TPCN2: variants seen among roughly 807,000 people sequenced by gnomAD.
TPCN2 encodes the protein two pore channel protein 2.
Under a neutral mutation model 111.4 loss-of-function variants are expected in TPCN2, and 92 were observed. The observed-to-expected ratio is 0.83, with a 90% confidence interval of 0.70 to 0.98. The LOEUF (loss-of-function observed/expected upper bound fraction) is 0.98, where lower values mean the gene tolerates loss of function less well. Ranked by LOEUF, TPCN2 falls within the 50% of genes least tolerant of loss-of-function variation. TPCN2 has a pLI of 0.00. For synonymous variants in TPCN2, 405 were observed against 414.5 expected (o/e 0.98, Z 0.28); for missense variants, 995 against 980.1 (o/e 1.02, Z -0.20).
chr11:69,083,397 G>T (rs760495815), intron 18 of TPCN2: 4 of 159,930 alleles, frequency 2.5e-5, no homozygotes, highest in African/African-American at 4.8e-5. Context: ...TGATGTGAAG[G>T]CCTTTCTCCC....
At chr11:69,069,799 T>C (rs1855437857) in intron 8 of TPCN2, among the ~76,000 whole-genome samples, 2 of 150,988 alleles carry the variant, frequency 1.3e-5, no homozygotes, top group Non-Finnish European at 3.0e-5. Flanking sequence ...AGCAGGACCG[T>C]CTGAGTCCTA....
Position 69,084,902 on chromosome 11 carries a change from A to G in TPCN2, c.1762-308A>G, listed in dbSNP as rs531036246. Reference sequence around the variant, plus strand: ...TCCACTCTGCTGACGCATGTTAGGGACAGGCCTGGGGTTGGCGGGCAGCCT... The same window carrying G: ...TCCACTCTGCTGACGCATGTTAGGGGCAGGCCTGGGGTTGGCGGGCAGCCT... On this transcript the variant is annotated intron_variant, in intron 19 of 24. Coordinates refer to ENST00000294309, the MANE Select transcript of TPCN2 (RefSeq NM_139075.4). 101 of 792,896 alleles carry G rather than the reference A, an allele frequency of 1.3e-4. No individual in the cohort carries two copies. The South Asian group carries it at 5.4e-3, about 42-fold the overall frequency. The allele number at this position is 792,896 out of a possible 1,614,324, so 49.1% of individuals were successfully genotyped here. A position where few individuals can be genotyped will look rare whatever the true frequency, so the allele number is the denominator to read the frequency against.
intron 19 of TPCN2, chr11:69,084,698 A>C (rs563372763): frequency 2.0e-6 from 2 of 985,388 alleles, no homozygotes; most frequent in African/African-American, 3.5e-5. Flanking sequence ...TGGGGTGAGA[A>C]GGTGTCTCTG....
In TPCN2 at chr11:69,085,741, G is replaced by T; in HGVS notation, c.1909G>T (p.Asp637Tyr). Residue 637 changes from aspartate (D) to tyrosine (Y), a missense_variant, in exon 21 of 25, where the codon GAT becomes TAT. Transcript: ENST00000294309. ...EQLEYWANNF[D>Y]DFAAALVTLW... is the part of the protein sequence containing the mutation. The stretch of plus-strand genomic sequence containing the variant: ...GCTGGAGTACTGGGCCAACAACTTC[G>T]ATGACTTTGCGGTGAGCCCTGCGCC... 1 of 1,614,088 alleles carries T rather than the reference G, an allele frequency of 6.2e-7. No homozygotes were observed. Among genetic ancestry groups the T allele is most frequent in the Non-Finnish European group, 8.5e-7 (1 of 1,179,986 alleles).
At chr11:69,070,372 A>G in intron 8 of TPCN2, 58 bp from the exon 9 acceptor site, 3 of 1,344,852 alleles carry the variant, frequency 2.2e-6, no homozygotes, top group East Asian at 4.6e-5. Flanking sequence ...TAGCGTCAGG[A>G]TGGGAGTGGG....
chr11:69,053,006 A>T (rs1861300001), intron 1 of TPCN2, among the ~76,000 whole-genome samples: 1 of 152,184 alleles, frequency 6.6e-6, no homozygotes, highest in African/African-American at 2.4e-5. Context: ...GCGAGGCCAG[A>T]GGTGGCCCGT....
At position 69,072,663 on chromosome 11, in the gene TPCN2, T is replaced by C. The variant is rs763660224; in HGVS notation, c.1098T>C (p.Leu366=). Residue 366 remains leucine (L), a synonymous_variant, in exon 12 of 25, where the codon CTT becomes CTC. Transcript: ENST00000294309. ...GVKPQNLLQV[L]QKVQLDSSHK... ...AGCCCCAGAACTTGCTGCAGGTGCT[T>C]CAGAAGGTCCAGCTGGACAGCTCCC... 1 of 1,613,830 alleles carries C rather than the reference T, an allele frequency of 6.2e-7. No homozygotes were observed. Among genetic ancestry groups the C allele is most frequent in the Non-Finnish European group, 8.5e-7 (1 of 1,179,984 alleles).
At chr11:69,068,012 G>A (rs1379867991) in intron 8 of TPCN2, among the ~76,000 whole-genome samples, 5 of 152,254 alleles carry the variant, frequency 3.3e-5, no homozygotes, top group East Asian at 1.9e-4. Flanking sequence ...ACACATCCAC[G>A]CTGCGGTTGC....
chr11:69,071,326 G>T (rs370804153), intron 9 of TPCN2, 30 bp from the exon 10 acceptor site: 2 of 1,602,400 alleles, frequency 1.2e-6, no homozygotes, highest in East Asian at 2.2e-5. Context: ...TACTGGTGGC[G>T]CCCCTGACCG....
At position 69,054,821 on chromosome 11, in the gene TPCN2, T is replaced by G. The variant is rs745373157; in HGVS notation, c.251+24T>G. 4.3e-6 allele frequency: 7 copies of G among 1,609,446 alleles called. No homozygotes were observed. The African/African-American group carries it at 9.4e-5, about 22-fold the overall frequency. ...CGGTGAGAACGCACCCATGTGGAACTCAGGGTTCCTGCCGGCTTGCGTGGC... is the reference window on the plus strand; with the variant it reads ...CGGTGAGAACGCACCCATGTGGAACGCAGGGTTCCTGCCGGCTTGCGTGGC... On this transcript the variant is annotated intron_variant, in intron 3 of 24. Coordinates refer to ENST00000294309, the MANE Select transcript of TPCN2 (RefSeq NM_139075.4).
At chr11:69,049,870 C>A (rs141674419) in intron 1 of TPCN2, among the ~76,000 whole-genome samples, 1 of 152,246 alleles carries the variant, frequency 6.6e-6, no homozygotes, top group East Asian at 1.9e-4. Flanking sequence ...GGTGGAAGGA[C>A]CTTAGCTTCA....
At chr11:69,085,093 T>TCAG in intron 19 of TPCN2, 117 bp from the exon 20 acceptor site, 2 of 1,038,536 alleles carry the variant, frequency 1.9e-6, no homozygotes, top group Non-Finnish European at 3.0e-6. Context: ...ATCCCAGCCC[T>TCAG]GGGCAGAGGG....
At chr11:69,068,293 A>G (rs1702655520) in intron 8 of TPCN2, among the ~76,000 whole-genome samples, 3 of 149,984 alleles carry the variant, frequency 2.0e-5, no homozygotes, top group Non-Finnish European at 4.5e-5. Context: ...AGTCCTAGGA[A>G]GTGACCGCAC....
Position 69,072,030 on chromosome 11 carries a change from G to A in TPCN2, c.1061+7G>A, listed in dbSNP as rs1855558238. The A allele has an allele frequency of 6.2e-7, 1 of 1,609,800 alleles. No homozygotes were observed. The highest frequency in any genetic ancestry group is 8.5e-7 in the Non-Finnish European group (1 of 1,176,854). ...GAGGAGCCTTCCCTCAGGCGTGAGT[G>A]CTGGGCATGGACCCTCTTCTCCCTG... is the stretch of plus-strand genomic sequence containing the variant. On this transcript the variant is annotated splice_region_variant and intron_variant, in intron 11 of 24. Coordinates refer to ENST00000294309, the MANE Select transcript of TPCN2 (RefSeq NM_139075.4).
At chr11:69,085,456 G>T (rs1001739303) in intron 20 of TPCN2, among the ~76,000 whole-genome samples, 170 bp downstream of exon 20, 1 of 149,224 alleles carries the variant, frequency 6.7e-6, no homozygotes, top group Non-Finnish European at 1.5e-5. Context: ...TTCCACCTCC[G>T]CTCCGCACCT....
rs147115123 is a variant in TPCN2 at position 69,065,155 on chromosome 11, T to C, written c.726+1188T>C. 5.7e-4 allele frequency among the ~76,000 whole-genome samples: 87 copies of C among 152,264 alleles called. 1 individual carries two copies. In the East Asian group the frequency reaches 0.017, roughly 29 times the overall value. ...ATGTGTGTGCGTATCTCTGTGTGTATGTGTGTGTTTGTGTGCCTGTCTGTG... is the reference window on the plus strand; with the variant it reads ...ATGTGTGTGCGTATCTCTGTGTGTACGTGTGTGTTTGTGTGCCTGTCTGTG... On this transcript the variant is annotated intron_variant, in intron 7 of 24. Transcript: ENST00000294309.
intron 6 of TPCN2, among the ~76,000 whole-genome samples, chr11:69,063,451 C>G (rs1000544750): frequency 5.3e-5 from 8 of 151,998 alleles, no homozygotes; most frequent in African/African-American, 1.9e-4. Context: ...GGGCTCTCTC[C>G]CTGCGCCCCA....
rs1042848748 is a variant in TPCN2, at chr11:69,067,612, G to A, written c.829+7G>A. On this transcript the variant is annotated splice_region_variant and intron_variant, in intron 8 of 24. Transcript: ENST00000294309. ...ACGGCCAACAACCCCGATGGTGCGTGCAGGGCCAGGGAGGGACCGTGGGGG... is the reference window on the plus strand; with the variant it reads ...ACGGCCAACAACCCCGATGGTGCGTACAGGGCCAGGGAGGGACCGTGGGGG... 1 of 1,613,372 alleles carries A rather than the reference G, an allele frequency of 6.2e-7. No homozygotes were observed. The highest frequency in any genetic ancestry group is 1.7e-5 in the Admixed American group (1 of 60,028).
intron 9 of TPCN2, among the ~76,000 whole-genome samples, 199 bp from the exon 10 acceptor site, chr11:69,071,157 G>C (rs1363803233): frequency 1.7e-5 from 2 of 115,286 alleles, no homozygotes; most frequent in Non-Finnish European, 3.8e-5. Flanking sequence ...CTTCACCCCA[G>C]GGATCCCCCA....
Sources: allele counts gnomAD v4.1 joint callset (sites outside exome capture counted in the v4.1 genomes callset), GRCh38; gene constraint gnomAD v4.1.1; transcripts MANE v1.5; gene names NCBI Gene and HGNC (gene_info 2026-07-23, HGNC 2026-07-21).